The following COX11 variants were observed in gnomAD, a reference collection of about 807,000 sequenced individuals.
COX11 encodes the protein cytochrome c oxidase assembly protein COX11, mitochondrial.
Under a neutral mutation model 29.4 loss-of-function variants are expected in COX11, and 18 were observed. The ratio of observed to expected loss-of-function variants is 0.61; its 90% CI spans 0.42 to 0.91. The LOEUF (loss-of-function observed/expected upper bound fraction) is 0.91, where lower values mean the gene tolerates loss of function less well. COX11 is among the 40% of genes least tolerant of loss of function. The pLI, the probability that COX11 is intolerant of heterozygous loss-of-function variation, is 0.00. For synonymous variants in COX11, 131 were observed against 124.0 expected (o/e 1.06, Z -0.38); for missense variants, 312 against 346.0 (o/e 0.90, Z 0.78).
In COX11 at chr17:54,960,646, A is replaced by T; in HGVS notation, c.*2087T>A. On this transcript the variant is annotated 3_prime_UTR_variant, in exon 4 of 4. Transcript: ENST00000299335. ...GACTGAGGTAAAGACTTCAACTTATACAACTTAATTCCATATTCCATATAA... is the reference window on the plus strand; with the variant it reads ...GACTGAGGTAAAGACTTCAACTTATTCAACTTAATTCCATATTCCATATAA... 1 of 1,562,512 alleles carries T rather than the reference A, an allele frequency of 6.4e-7. No individual in the cohort carries two copies. The highest frequency in any genetic ancestry group is 8.8e-7 in the Non-Finnish European group (1 of 1,134,026).
At chr17:54,965,973 C>A (rs2077210527) in intron 1 of COX11, among the ~76,000 whole-genome samples, 1 of 152,178 alleles carries the variant, frequency 6.6e-6, no homozygotes, top group Non-Finnish European at 1.5e-5. Context: ...TAGGGGAAGA[C>A]TCCCAGCAAG....
At chr17:54,966,466 C>T (rs2077217424) in intron 1 of COX11, among the ~76,000 whole-genome samples, 1 of 152,184 alleles carries the variant, frequency 6.6e-6, no homozygotes. Flanking sequence ...GAACTATGGA[C>T]ATTTTGGGCT....
chr17:54,963,132 A>T (rs891246179), intron 3 of COX11, 174 bp downstream of exon 3: 3 of 808,044 alleles, frequency 3.7e-6, no homozygotes, highest in Non-Finnish European at 1.9e-6. Context: ...GCAGATATCC[A>T]TTTGGTTTGG....
At chr17:54,967,035 C>T (rs977825732) in intron 1 of COX11, among the ~76,000 whole-genome samples, 4 of 53,754 alleles carry the variant, frequency 7.4e-5, no homozygotes, top group Middle Eastern at 9.3e-3. Context: ...TAAACGTGCG[C>T]GCGCGCGCAC....
chr17:54,968,080 G>A (rs1376241723), intron 1 of COX11, among the ~76,000 whole-genome samples: 5 of 145,042 alleles, frequency 3.4e-5, no homozygotes, highest in Admixed American at 1.5e-4. Context: ...ACTAAGAACT[G>A]GATGCTACTT....
chr17:54,962,989 T>C (rs1267096347), intron 3 of COX11, 74 bp from the exon 4 acceptor site: 1 of 1,314,096 alleles, frequency 7.6e-7, no homozygotes, highest in Non-Finnish European at 1.1e-6. Context: ...AGTTCTTTTA[T>C]CTTAGCATTC....
At chr17:54,962,976 T>G in intron 3 of COX11, 61 bp from the exon 4 acceptor site, 1 of 1,407,658 alleles carries the variant, frequency 7.1e-7, no homozygotes, top group South Asian at 1.3e-5. Context: ...ACAGAAACTA[T>G]ACAGTTCTTT....
chr17:54,960,424 C>A lies in COX11; in HGVS notation c.*2309G>T. Reference sequence around the variant, plus strand: ...TTTAAATAAACTAGAATACACACTTCAGGGCAGAGACTTATTTTTACTCAT... The same window carrying A: ...TTTAAATAAACTAGAATACACACTTAAGGGCAGAGACTTATTTTTACTCAT... On this transcript the variant is annotated 3_prime_UTR_variant, in exon 4 of 4. Coordinates refer to ENST00000299335, the MANE Select transcript of COX11 (RefSeq NM_004375.5). 1.5e-6 allele frequency: 1 copy of A among 645,648 alleles called. No homozygotes were observed. The highest frequency in any genetic ancestry group is 2.8e-6 in the Non-Finnish European group (1 of 354,500). 40.0% of individuals were successfully genotyped at this position (645,648 alleles called of 1,614,324 possible).
intron 1 of COX11, among the ~76,000 whole-genome samples, chr17:54,967,629 G>GA (rs1199308542): frequency 8.0e-6 from 1 of 124,876 alleles, no homozygotes; most frequent in East Asian, 2.5e-4. Flanking sequence ...CTCAGTCCTG[G>GA]AGTCGGGCCC....
exon 1 of COX11, chr17:54,953,575 C>T (rs1006053857): frequency 6.6e-6 from 1 of 152,308 alleles, no homozygotes; most frequent in Non-Finnish European, 1.5e-5. Flanking sequence ...CCTTTCCTAG[C>T]ATCCTTTCTG....
Position 54,961,177 on chromosome 17 carries a change from G to A in COX11, c.*1556C>T. ...CCAGTAAAGACAAGAGAGTTATCAA[G>A]GAATGGGGAAAGAGAAGGACAGGAT... On this transcript the variant is annotated 3_prime_UTR_variant, in exon 4 of 4. Coordinates refer to ENST00000299335, the MANE Select transcript of COX11 (RefSeq NM_004375.5). 1 of 1,162,226 alleles carries A rather than the reference G, an allele frequency of 8.6e-7. No individual in the cohort carries two copies. Among genetic ancestry groups the A allele is most frequent in the South Asian group, 1.3e-5 (1 of 75,914 alleles). 72.0% of individuals were successfully genotyped at this position (1,162,226 alleles called of 1,614,324 possible). A position where few individuals can be genotyped will look rare whatever the true frequency, so the allele number is the denominator to read the frequency against.
exon 1 of COX11, chr17:54,955,115 T>A (rs2049430328): frequency 6.6e-6 from 1 of 152,180 alleles, no homozygotes; most frequent in South Asian, 2.1e-4. Context: ...ACTCTGGAGA[T>A]TAATGATGAC....
chr17:54,959,353 C>T (rs935444313), downstream of COX11: 1 of 152,136 alleles, frequency 6.6e-6, no homozygotes, highest in African/African-American at 2.4e-5. Context: ...TGGCTTATGC[C>T]TCTAATCCCA....
chr17:54,961,154 A>G lies in COX11; in HGVS notation c.*1579T>C. ...CTAGACTGTGACTCTCCAGCTTCCC[A>G]GTAAAGACAAGAGAGTTATCAAGGA... On this transcript the variant is annotated 3_prime_UTR_variant, in exon 4 of 4. Coordinates refer to ENST00000299335, the MANE Select transcript of COX11 (RefSeq NM_004375.5). The G allele has an allele frequency of 1.0e-6, 1 of 985,778 alleles. No homozygotes were observed. The highest frequency in any genetic ancestry group is 1.6e-6 in the Non-Finnish European group (1 of 637,156). 61.1% of individuals were successfully genotyped at this position (985,778 alleles called of 1,614,324 possible).
rs768063370 is a variant in COX11, at chr17:54,968,385, GCTC to G, written c.259_261del (p.Glu87del). ...AGGGTCGTCTTGTTCTGCCGCCGCC[GCTC>G]CTCCTCCTGCGCGCGTGTGAAAGGG... On this transcript the variant is annotated inframe_deletion, in exon 1 of 4. Transcript: ENST00000299335. 4.3e-6 allele frequency: 7 copies of G among 1,613,024 alleles called. No homozygotes were observed. The highest frequency in any genetic ancestry group is 1.3e-5 in the African/African-American group (1 of 74,846).
intron 3 of COX11, 173 bp from the exon 4 acceptor site, chr17:54,963,088 C>A: frequency 1.3e-6 from 1 of 792,288 alleles, no homozygotes; most frequent in Non-Finnish European, 2.0e-6. Context: ...ATGAGTTCTG[C>A]TTTAAGGATG....
At chr17:54,955,303 G>T (rs538959041), upstream of COX11, among the ~76,000 whole-genome samples, 13 of 152,328 alleles carry the variant, frequency 8.5e-5, no homozygotes, top group African/African-American at 2.9e-4. Context: ...TCTGGATCCA[G>T]CTCAGGTGGT....
At chr17:54,953,209 T>C (rs894921530) in exon 1 of COX11, 3 of 147,564 alleles carry the variant, frequency 2.0e-5, no homozygotes, top group Non-Finnish European at 3.1e-5. Flanking sequence ...CGAGACCTTG[T>C]CTCCACAAAC....
chr17:54,965,830 CAAAA>C (rs2077207741), intron 1 of COX11, among the ~76,000 whole-genome samples: 1 of 127,974 alleles, frequency 7.8e-6, no homozygotes, highest in African/African-American at 3.1e-5. Context: ...GACTCCATCT[CAAAA>C]GAAAAAAAAA....
Sources: gnomAD v4.1 joint callset for allele counts (sites outside exome capture counted in the v4.1 genomes callset) on GRCh38, gnomAD v4.1.1 for gene constraint, MANE v1.5 for transcripts, NCBI Gene and HGNC (gene_info 2026-07-23, HGNC 2026-07-21) for gene names.